Variants in HEATR1 observed in about 807,000 individuals in gnomAD.
HEATR1 encodes the protein HEAT repeat-containing protein 1.
In HEATR1, 77 loss-of-function variants were observed where a neutral mutation model predicts 248.2. The ratio of observed to expected loss-of-function variants is 0.31; its 90% CI spans 0.26 to 0.37. HEATR1 has a LOEUF of 0.37. Among genes scored for constraint, HEATR1 ranks in the 10% least tolerant of loss-of-function variants. HEATR1 has a pLI of 1.00. For synonymous variants in HEATR1, 897 were observed against 923.1 expected (o/e 0.97, Z 0.51); for missense variants, 2,420 against 2,504.9 (o/e 0.97, Z 0.72).
chr1:236,596,767 A>G, intron 6 of HEATR1, 69 bp downstream of exon 6: 1 of 1,443,792 alleles, frequency 6.9e-7, no homozygotes, highest in Non-Finnish European at 9.3e-7. Context: ...TAAATCTAAA[A>G]AAACTTTCGA....
At chr1:236,566,221 T>G (rs765128113) in intron 30 of HEATR1, among the ~76,000 whole-genome samples, 176 bp from the exon 31 acceptor site, 1 of 152,214 alleles carries the variant, frequency 6.6e-6, no homozygotes, top group Non-Finnish European at 1.5e-5. Flanking sequence ...GGTCCTCGAC[T>G]TATCCAAACA....
chr1:236,579,014 A>G (rs1471499296), intron 20 of HEATR1, among the ~76,000 whole-genome samples: 1 of 152,146 alleles, frequency 6.6e-6, no homozygotes, highest in Non-Finnish European at 1.5e-5. Context: ...TTTGCTAGAA[A>G]TTTTCCATTA....
At chr1:236,558,971 G>A in intron 35 of HEATR1, 24 bp downstream of exon 35, 1 of 1,562,396 alleles carries the variant, frequency 6.4e-7, no homozygotes, top group Non-Finnish European at 8.6e-7. Context: ...ACAGTAAATG[G>A]GTGTGTCCTG....
chr1:236,582,646 G>A (rs1424650573), intron 19 of HEATR1, 90 bp downstream of exon 19: 10 of 1,345,762 alleles, frequency 7.4e-6, no homozygotes, highest in Middle Eastern at 1.9e-4. Flanking sequence ...CAAGTGATCC[G>A]CCTGCCTCGG....
chr1:236,568,895 A>C (rs879117599), intron 29 of HEATR1, 101 bp downstream of exon 29: 4 of 621,528 alleles, frequency 6.4e-6, no homozygotes, highest in Non-Finnish European at 4.2e-6. Flanking sequence ...TAAAAAAAAA[A>C]AACAAAAAAA....
rs999134500 is a variant in HEATR1, at chr1:236,600,103, G to C, written c.360-479C>G. Among the ~76,000 whole-genome samples the C allele has an allele frequency of 3.5e-5, 5 of 142,898 alleles. No individual in the cohort carries two copies. The Admixed American group carries it at 3.7e-4, about 10-fold the overall frequency. The allele number at this position is 142,898 out of a possible 152,430, so 93.7% of individuals were successfully genotyped here. On this transcript the variant is annotated intron_variant, in intron 3 of 44. Coordinates refer to ENST00000366582, the MANE Select transcript of HEATR1 (RefSeq NM_018072.6). ...AGACTAGGTCTCCCTGTGTTGCCCA[G>C]GCTGGTCTGTCAACATTTTTTTTTT... is the stretch of plus-strand genomic sequence containing the variant.
intron 22 of HEATR1, among the ~76,000 whole-genome samples, chr1:236,575,960 T>C (rs980986609): frequency 6.6e-6 from 1 of 152,298 alleles, no homozygotes; most frequent in Admixed American, 6.5e-5. Context: ...GACTGTTAAG[T>C]TCATTTAAAA....
At position 236,558,318 on chromosome 1, in the gene HEATR1, T is replaced by TTC. The variant is rs1196373210; in HGVS notation, c.5121_5122dup (p.Lys1708ArgfsTer12). The TTC allele has an allele frequency of 6.2e-7, 1 of 1,614,216 alleles. No individual in the cohort carries two copies. On this transcript the variant is annotated frameshift_variant, in exon 36 of 45. Coordinates refer to ENST00000366582, the MANE Select transcript of HEATR1 (RefSeq NM_018072.6). LOFTEE classifies it high-confidence loss of function. ...CAGCAGCGCGCTTCCCAGGACATTC[T>TTC]TCTCCTCCTTTCTCTCTGGAGCAAT...
intron 26 of HEATR1, 117 bp downstream of exon 26, chr1:236,572,294 T>G (rs1463383481): frequency 6.8e-6 from 8 of 1,178,134 alleles, no homozygotes; most frequent in Non-Finnish European, 9.7e-6. Context: ...CTATAGTACT[T>G]GCTTTATTTT....
chr1:236,557,330 C>A lies in HEATR1; in HGVS notation c.5220G>T (p.Leu1740Phe). The A allele has an allele frequency of 6.2e-7, 1 of 1,614,020 alleles. No individual in the cohort carries two copies. Among genetic ancestry groups the A allele is most frequent in the Non-Finnish European group, 8.5e-7 (1 of 1,179,974 alleles). Reference protein sequence around the residue: ...IPQLPSLMPSLLTTMKNTSEL... With the variant: ...IPQLPSLMPSFLTTMKNTSEL... Reference sequence around the variant, plus strand: ...CGCTGGTGTTCTTCATTGTTGTCAGCAACGATGGCATCAGGCTAGAAACAA... The same window carrying A: ...CGCTGGTGTTCTTCATTGTTGTCAGAAACGATGGCATCAGGCTAGAAACAA... Residue 1740 changes from leucine (L) to phenylalanine (F), a missense_variant, in exon 37 of 45, where the codon TTG becomes TTT. Coordinates refer to ENST00000366582, the MANE Select transcript of HEATR1 (RefSeq NM_018072.6).
chr1:236,550,737 A>T lies in HEATR1; in HGVS notation c.*165T>A. Reference sequence around the variant, plus strand: ...GATAGGCAGGAGAGGCTTATGTGGCAGCACAAGCCAGGTGGGGATTTTGTA... The same window carrying T: ...GATAGGCAGGAGAGGCTTATGTGGCTGCACAAGCCAGGTGGGGATTTTGTA... On this transcript the variant is annotated 3_prime_UTR_variant, in exon 45 of 45. Coordinates refer to ENST00000366582, the MANE Select transcript of HEATR1 (RefSeq NM_018072.6). The T allele has an allele frequency of 1.8e-6, 1 of 564,316 alleles. No homozygotes were observed. Among genetic ancestry groups the T allele is most frequent in the South Asian group, 2.5e-5 (1 of 39,844 alleles). The allele number at this position is 564,316 out of a possible 1,614,324, so 35.0% of individuals were successfully genotyped here.
In HEATR1 at chr1:236,588,343, A is replaced by G. The variant is rs185018200; in HGVS notation, c.1531-300T>C. 2.2e-4 allele frequency among the ~76,000 whole-genome samples: 33 copies of G among 152,346 alleles called. No individual in the cohort carries two copies. In the East Asian group the frequency reaches 5.0e-3, roughly 23 times the overall value. ...ATCTTATTAAAGTGAGAGCCCAGATATTGACGGGATATAGACTAAAGAATA... is the reference window on the plus strand; with the variant it reads ...ATCTTATTAAAGTGAGAGCCCAGATGTTGACGGGATATAGACTAAAGAATA... On this transcript the variant is annotated intron_variant, in intron 12 of 44. Coordinates refer to ENST00000366582, the MANE Select transcript of HEATR1 (RefSeq NM_018072.6).
chr1:236,587,639 A>G, intron 13 of HEATR1, 149 bp from the exon 14 acceptor site: 2 of 452,520 alleles, frequency 4.4e-6, no homozygotes, highest in Non-Finnish European at 7.9e-6. Context: ...CTATTTCTCA[A>G]AAGTGGCATT....
At position 236,599,450 on chromosome 1, in the gene HEATR1, T is replaced by G. The variant is rs767553052; in HGVS notation, c.501+33A>C. 3.7e-5 allele frequency: 59 copies of G among 1,574,858 alleles called. No individual in the cohort carries two copies. In the Admixed American group the frequency reaches 4.8e-4, roughly 13 times the overall value. On this transcript the variant is annotated intron_variant, in intron 4 of 44. Coordinates refer to ENST00000366582, the MANE Select transcript of HEATR1 (RefSeq NM_018072.6). ...TAAATCCCTTAATCAAGATCTGTAA[T>G]GATTACAGACATATGTCATTCAGCA...
chr1:236,589,192 T>G (rs1288526367), intron 12 of HEATR1, among the ~76,000 whole-genome samples: 1 of 151,964 alleles, frequency 6.6e-6, no homozygotes, highest in Non-Finnish European at 1.5e-5. Flanking sequence ...GAGAATAACT[T>G]CAGAAACAGA....
In HEATR1 at chr1:236,581,347, A is replaced by T; in HGVS notation, c.2630T>A (p.Leu877His). The T allele has an allele frequency of 6.2e-7, 1 of 1,610,322 alleles. No homozygotes were observed. The highest frequency in any genetic ancestry group is 8.5e-7 in the Non-Finnish European group (1 of 1,178,944). Residue 877 changes from leucine to histidine, a missense_variant, in exon 20 of 45, where the codon CTT becomes CAT. Leu to His is a moderately conservative substitution (Grantham distance 99). Transcript: ENST00000366582. ...CACACTGCAGTTTAGTGGATTTGAA[A>T]GGCTAGAACCATAGGTCCATAAAAC... Reference protein sequence around the residue: ...CSVLWTYGSSLSNPLNCSVKT... With the variant: ...CSVLWTYGSSHSNPLNCSVKT...
Position 236,550,764 on chromosome 1 carries a change from AG to A in HEATR1, c.*137del. The A allele has an allele frequency of 3.2e-6, 2 of 632,878 alleles. No homozygotes were observed. Among genetic ancestry groups the A allele is most frequent in the East Asian group, 5.7e-5 (2 of 35,356 alleles). 39.2% of individuals were successfully genotyped at this position (632,878 alleles called of 1,614,324 possible). A position where few individuals can be genotyped will look rare whatever the true frequency, so the allele number is the denominator to read the frequency against. ...CACAAGCCAGGTGGGGATTTTGTAA[AG>A]AAGTGATAAAACATTTGTAAGTAAT... On this transcript the variant is annotated 3_prime_UTR_variant, in exon 45 of 45. Transcript: ENST00000366582.
At chr1:236,567,801 T>C (rs1474527952) in intron 29 of HEATR1, among the ~76,000 whole-genome samples, 1 of 152,212 alleles carries the variant, frequency 6.6e-6, no homozygotes, top group Non-Finnish European at 1.5e-5. Context: ...CAAGTCTGCT[T>C]AGACTGCCTG....
In HEATR1 at chr1:236,550,876, T is replaced by TAC; in HGVS notation, c.*25_*26insGT. The stretch of plus-strand genomic sequence containing the variant: ...ATGAAATATGAGTGTGAACTCTGAG[T>TAC]AGAGTATGAAACACCACAGAAAGTC... On this transcript the variant is annotated 3_prime_UTR_variant, in exon 45 of 45. Transcript: ENST00000366582. The TAC allele has an allele frequency of 6.6e-7, 1 of 1,524,728 alleles. No individual in the cohort carries two copies. The highest frequency in any genetic ancestry group is 8.9e-7 in the Non-Finnish European group (1 of 1,125,236). The allele number at this position is 1,524,728 out of a possible 1,614,324, so 94.4% of individuals were successfully genotyped here.
Sources: allele counts gnomAD v4.1 joint callset (sites outside exome capture counted in the v4.1 genomes callset), GRCh38; gene constraint gnomAD v4.1.1; transcripts MANE v1.5; gene names NCBI Gene and HGNC (gene_info 2026-07-23, HGNC 2026-07-21).